The following GPR63 variants were observed in gnomAD, a reference collection of about 807,000 sequenced individuals.
The protein encoded by GPR63 is probable G protein-coupled receptor 63.
GPR63 carries 12 observed loss-of-function variants against 23.1 expected under a neutral mutation model. The ratio of observed to expected loss-of-function variants is 0.52; its 90% CI spans 0.33 to 0.84. The LOEUF is 0.84. Among genes scored for constraint, GPR63 ranks in the 40% least tolerant of loss-of-function variants. The pLI is 0.02. For synonymous variants in GPR63, 172 were observed against 191.1 expected, an observed-to-expected ratio of 0.90 and a Z score of 0.82; for missense variants, 472 against 515.6, an observed-to-expected ratio of 0.92 and a Z score of 0.82.
intron 1 of GPR63, among the ~76,000 whole-genome samples, chr6:96,806,644 T>C (rs1444793169): frequency 6.6e-6 from 1 of 152,108 alleles, no homozygotes; most frequent in Non-Finnish European, 1.5e-5. Flanking sequence ...CCACATAAAC[T>C]TGGTGTTGTC....
intron 1 of GPR63, among the ~76,000 whole-genome samples, chr6:96,818,497 G>C (rs1774219503): frequency 6.6e-6 from 1 of 152,036 alleles, no homozygotes; most frequent in South Asian, 2.1e-4. Flanking sequence ...GTCATAGTAA[G>C]AAATTTGAAG....
At chr6:96,831,936 A>G (rs1032894311) in intron 1 of GPR63, among the ~76,000 whole-genome samples, 1 of 151,910 alleles carries the variant, frequency 6.6e-6, no homozygotes, top group Non-Finnish European at 1.5e-5. Context: ...ATAAATAAAA[A>G]TTTTTTAAAA....
intron 1 of GPR63, among the ~76,000 whole-genome samples, chr6:96,832,312 T>C (rs887684374): frequency 1.3e-5 from 2 of 152,142 alleles, no homozygotes; most frequent in African/African-American, 4.8e-5. Flanking sequence ...TTGTCCTGGC[T>C]GGAGTGCAAT....
At chr6:96,827,162 T>C (rs908654522) in intron 1 of GPR63, among the ~76,000 whole-genome samples, 3 of 151,626 alleles carry the variant, frequency 2.0e-5, no homozygotes, top group Non-Finnish European at 2.9e-5. Context: ...ATGAAAATTA[T>C]TAGACAAAGA....
rs758291126 is a variant in GPR63, at chr6:96,796,019, T to C, written c.*2453A>G. 11 of 152,154 alleles carry C rather than the reference T, an allele frequency of 7.2e-5. No homozygotes were observed. Among genetic ancestry groups the C allele is most frequent in the Non-Finnish European group, 1.0e-4 (7 of 68,034 alleles). 9.4% of individuals were successfully genotyped at this position (152,154 alleles called of 1,614,324 possible). A position where few individuals can be genotyped will look rare whatever the true frequency, so the allele number is the denominator to read the frequency against. On this transcript the variant is annotated 3_prime_UTR_variant, in exon 2 of 2. Coordinates refer to ENST00000229955, the MANE Select transcript of GPR63 (RefSeq NM_030784.4). ...TCCCAAAACAACATGTTGAATAATA[T>C]GCTTGAGTCCCCAAAGAGCTCTTTA...
intron 1 of GPR63, among the ~76,000 whole-genome samples, chr6:96,817,661 G>A (rs1562121174): frequency 6.6e-6 from 1 of 152,032 alleles, no homozygotes; most frequent in Non-Finnish European, 1.5e-5. Context: ...ACACAGCCAC[G>A]AAAATGGGCA....
chr6:96,832,078 G>A (rs1774599244), intron 1 of GPR63, among the ~76,000 whole-genome samples: 1 of 151,824 alleles, frequency 6.6e-6, no homozygotes, highest in Admixed American at 6.6e-5. Context: ...CAAGGGAAGT[G>A]GTTCATCTTT....
intron 1 of GPR63, among the ~76,000 whole-genome samples, chr6:96,818,295 T>C (rs1774214398): frequency 6.6e-6 from 1 of 151,870 alleles, no homozygotes; most frequent in African/African-American, 2.4e-5. Context: ...AAACCCCTCT[T>C]TACTAAAAAA....
At chr6:96,831,126 T>C (rs181415948) in intron 1 of GPR63, among the ~76,000 whole-genome samples, 17 of 152,338 alleles carry the variant, frequency 1.1e-4, no homozygotes, top group Admixed American at 5.2e-4. Context: ...ATCTTAGAGA[T>C]GACTATACAG....
chr6:96,835,184 T>C lies in GPR63; in HGVS notation c.-151+2084A>G, dbSNP rs139154201. ...ATACTGAAAACCAGTGCTTTTTAAC[T>C]TAACTGATATTGACTAAAATGCTGA... On this transcript the variant is annotated intron_variant, in intron 1 of 1. Coordinates refer to ENST00000229955, the MANE Select transcript of GPR63 (RefSeq NM_030784.4). Among the ~76,000 whole-genome samples, 275 of 152,294 alleles carry C rather than the reference T, an allele frequency of 1.8e-3. 1 individual carries two copies. Among genetic ancestry groups the C allele is most frequent in the African/African-American group, 6.3e-3 (260 of 41,558 alleles).
intron 1 of GPR63, among the ~76,000 whole-genome samples, chr6:96,817,804 T>G (rs1197822287): frequency 6.6e-6 from 1 of 151,920 alleles, no homozygotes; most frequent in Non-Finnish European, 1.5e-5. Context: ...TCTATGTTAG[T>G]AGTTTATTGG....
At chr6:96,828,514 T>G (rs1000493276) in intron 1 of GPR63, among the ~76,000 whole-genome samples, 1 of 138,980 alleles carries the variant, frequency 7.2e-6, no homozygotes, top group African/African-American at 2.7e-5. Context: ...ACTAAAATAA[T>G]AGATGTAGAA....
chr6:96,829,430 T>C (rs1562126542), intron 1 of GPR63, among the ~76,000 whole-genome samples: 1 of 152,174 alleles, frequency 6.6e-6, no homozygotes, highest in East Asian at 1.9e-4. Flanking sequence ...CGGTGGCTGA[T>C]GCCTGGAATC....
intron 1 of GPR63, among the ~76,000 whole-genome samples, chr6:96,801,784 CACTTTGTAAT>C (rs1773773071): frequency 6.6e-6 from 1 of 152,156 alleles, no homozygotes; most frequent in Non-Finnish European, 1.5e-5. Flanking sequence ...CTCACATATT[CACTTTGTAAT>C]ACAAAACATA....
chr6:96,799,237 CA>C lies in GPR63; in HGVS notation c.494del (p.Val165GlyfsTer2). The part of the protein sequence containing the change: ...RVSAMFFWLF[V>X]IEGVAILLII... ...TGAGCAGGATGGCTACTCCTTCTATCACAAATAACCAGAAAAACATAGCAGA... is the reference window on the plus strand; with the variant it reads ...TGAGCAGGATGGCTACTCCTTCTATCCAAATAACCAGAAAAACATAGCAGA... On this transcript the variant is annotated frameshift_variant, in exon 2 of 2. Transcript: ENST00000229955. LOFTEE classifies it high-confidence loss of function. 2 of 1,614,156 alleles carry C rather than the reference CA, an allele frequency of 1.2e-6. No homozygotes were observed. The highest frequency in any genetic ancestry group is 1.7e-6 in the Non-Finnish European group (2 of 1,180,024).
chr6:96,831,256 C>A (rs17742647), intron 1 of GPR63, among the ~76,000 whole-genome samples: 42,529 of 152,008 alleles, frequency 0.28, 6,012 homozygotes, highest in South Asian at 0.31. Flanking sequence ...ATGGCACACT[C>A]AACTACTCTA....
At chr6:96,822,936 G>A (rs1774348502) in intron 1 of GPR63, among the ~76,000 whole-genome samples, 1 of 152,116 alleles carries the variant, frequency 6.6e-6, no homozygotes, top group Non-Finnish European at 1.5e-5. Context: ...TAATGGAGCT[G>A]AAAAATTCCT....
intron 1 of GPR63, among the ~76,000 whole-genome samples, chr6:96,828,025 C>A (rs1774486443): frequency 6.6e-6 from 1 of 152,048 alleles, no homozygotes; most frequent in Non-Finnish European, 1.5e-5. Context: ...AAAAAACAGG[C>A]TAGAACTAAA....
At chr6:96,831,605 A>G (rs527460509) in intron 1 of GPR63, among the ~76,000 whole-genome samples, 2 of 152,292 alleles carry the variant, frequency 1.3e-5, no homozygotes, top group East Asian at 1.9e-4. Flanking sequence ...AACCATAGGT[A>G]TGTATAAAAA....
Sources: gnomAD v4.1 joint callset for allele counts (sites outside exome capture counted in the v4.1 genomes callset) on GRCh38, gnomAD v4.1.1 for gene constraint, MANE v1.5 for transcripts, NCBI Gene and HGNC (gene_info 2026-07-23, HGNC 2026-07-21) for gene names.